Variants in SPOCK1 observed in about 807,000 individuals in gnomAD.
SPOCK1 encodes the protein testican-1.
In SPOCK1, 23 loss-of-function variants were observed where a neutral mutation model predicts 55.3. The ratio of observed to expected loss-of-function variants is 0.42; its 90% CI spans 0.30 to 0.59. SPOCK1 has a LOEUF of 0.59. SPOCK1 is among the 20% of genes least tolerant of loss of function. The pLI, the probability that SPOCK1 is intolerant of heterozygous loss-of-function variation, is 0.22. For missense variants in SPOCK1, 499 were observed against 552.5 expected, an observed-to-expected ratio of 0.90 and a Z score of 0.97; for synonymous variants, 226 against 221.0, an observed-to-expected ratio of 1.02 and a Z score of -0.20.
At chr5:137,150,497 G>A (rs1269492100) in intron 3 of SPOCK1, among the ~76,000 whole-genome samples, 2 of 152,268 alleles carry the variant, frequency 1.3e-5, no homozygotes, top group Admixed American at 1.3e-4. Context: ...GAGTCACAGA[G>A]CTTAATTGTT....
intron 5 of SPOCK1, among the ~76,000 whole-genome samples, chr5:137,110,606 G>A (rs544294846): frequency 2.6e-5 from 4 of 152,260 alleles, no homozygotes; most frequent in African/African-American, 9.6e-5. Flanking sequence ...TCTATTAGGG[G>A]CTAAAAAGAG....
intron 6 of SPOCK1, among the ~76,000 whole-genome samples, chr5:137,001,287 AC>A (rs1751144034): frequency 6.6e-6 from 1 of 152,204 alleles, no homozygotes; most frequent in Admixed American, 6.5e-5. Flanking sequence ...GTTTGTGGAC[AC>A]AGAGCAGCAT....
intron 2 of SPOCK1, among the ~76,000 whole-genome samples, chr5:137,422,350 A>T (rs998189492): frequency 2.0e-5 from 3 of 152,200 alleles, no homozygotes; most frequent in African/African-American, 7.2e-5. Flanking sequence ...AGATTGGGGA[A>T]GTTCTCCTGG....
At chr5:137,172,636 T>C (rs976455683) in intron 3 of SPOCK1, among the ~76,000 whole-genome samples, 5 of 152,072 alleles carry the variant, frequency 3.3e-5, no homozygotes, top group Non-Finnish European at 7.4e-5. Context: ...ATCCTAGAGA[T>C]ATATTTGCTG....
intron 2 of SPOCK1, among the ~76,000 whole-genome samples, chr5:137,307,443 C>T (rs1013935202): frequency 3.3e-5 from 5 of 152,248 alleles, no homozygotes; most frequent in African/African-American, 1.2e-4. Context: ...TGTTCTGCCA[C>T]ACCATCATGA....
rs1270520094 is a variant in SPOCK1, at chr5:137,425,119, T to C, written c.186+73254A>G. ...TATAAATATTTCAGGCTGTCCCTTG[T>C]TTCTATTGACTACTTCTAAAGTGCT... On this transcript the variant is annotated intron_variant, in intron 2 of 10. Coordinates refer to ENST00000394945, the MANE Select transcript of SPOCK1 (RefSeq NM_004598.4). Among the ~76,000 whole-genome samples the C allele has an allele frequency of 2.0e-5, 3 of 152,216 alleles. No homozygotes were observed. In the South Asian group the frequency reaches 6.2e-4, roughly 32 times the overall value.
intron 2 of SPOCK1, among the ~76,000 whole-genome samples, chr5:137,371,750 C>T (rs17171375): frequency 0.066 from 10,066 of 152,170 alleles, 630 homozygotes; most frequent in African/African-American, 0.16. Context: ...ATGATGATGA[C>T]GATAATGTCA....
intron 4 of SPOCK1, among the ~76,000 whole-genome samples, chr5:137,118,298 C>A (rs1444543175): frequency 6.6e-6 from 1 of 152,198 alleles, no homozygotes; most frequent in East Asian, 1.9e-4. Flanking sequence ...ACTATAAGCA[C>A]AATCTTTTAA....
At chr5:136,979,235 A>G in intron 10 of SPOCK1, 97 bp downstream of exon 10, 1 of 1,524,448 alleles carries the variant, frequency 6.6e-7, no homozygotes, top group Admixed American at 1.8e-5. Flanking sequence ...TGTATACTGG[A>G]GTTACCTCTC....
At chr5:137,415,786 C>T (rs147000641) in intron 2 of SPOCK1, among the ~76,000 whole-genome samples, 100 of 152,332 alleles carry the variant, frequency 6.6e-4, no homozygotes, top group Middle Eastern at 3.4e-3. Context: ...TCTATATCCA[C>T]TTACTTACCT....
intron 7 of SPOCK1, among the ~76,000 whole-genome samples, chr5:136,991,427 C>T (rs989438254): frequency 3.3e-5 from 5 of 151,946 alleles, no homozygotes; most frequent in South Asian, 2.1e-4. Context: ...TATGAGCAGC[C>T]AAAAATAACT....
intron 4 of SPOCK1, among the ~76,000 whole-genome samples, chr5:137,130,455 C>G (rs1169664505): frequency 6.6e-6 from 1 of 152,234 alleles, no homozygotes; most frequent in East Asian, 1.9e-4. Flanking sequence ...AACCCACAAT[C>G]ACCAAAGCAT....
chr5:137,361,098 A>G (rs1383554650), intron 2 of SPOCK1, among the ~76,000 whole-genome samples: 2 of 152,242 alleles, frequency 1.3e-5, no homozygotes, highest in Non-Finnish European at 2.9e-5. Context: ...AAGAGACCCC[A>G]GAGTCTCCTC....
rs191223744 is a variant in SPOCK1, at chr5:137,403,517, T to C, written c.186+94856A>G. On this transcript the variant is annotated intron_variant, in intron 2 of 10. Coordinates refer to ENST00000394945, the MANE Select transcript of SPOCK1 (RefSeq NM_004598.4). ...GAGACATGATAAAGAAAGCATCTAATGTGTTATTAGGGAATAAATGCTATG... is the reference window on the plus strand; with the variant it reads ...GAGACATGATAAAGAAAGCATCTAACGTGTTATTAGGGAATAAATGCTATG... Among the ~76,000 whole-genome samples, 501 of 152,204 alleles carry C rather than the reference T, an allele frequency of 3.3e-3. 3 individuals are homozygous for C. The highest frequency in any genetic ancestry group is 0.012 in the African/African-American group (481 of 41,532).
At chr5:137,179,693 C>T (rs927101968) in intron 3 of SPOCK1, among the ~76,000 whole-genome samples, 2 of 152,114 alleles carry the variant, frequency 1.3e-5, no homozygotes, top group African/African-American at 4.8e-5. Flanking sequence ...GTTGGGTAGC[C>T]AAGAGTATGA....
chr5:137,479,492 C>T (rs777340566), intron 2 of SPOCK1, among the ~76,000 whole-genome samples: 15 of 152,212 alleles, frequency 9.9e-5, no homozygotes, highest in African/African-American at 1.4e-4. Flanking sequence ...GACTTCTCCA[C>T]CTCCTAGGCA....
chr5:137,304,154 GA>G (rs1184978415), intron 2 of SPOCK1, among the ~76,000 whole-genome samples: 2 of 151,900 alleles, frequency 1.3e-5, no homozygotes, highest in Non-Finnish European at 2.9e-5. Flanking sequence ...AAAGAAGGGG[GA>G]AAAAATCCAC....
intron 3 of SPOCK1, among the ~76,000 whole-genome samples, chr5:137,192,257 A>G (rs1051290379): frequency 3.4e-5 from 5 of 145,356 alleles, no homozygotes; most frequent in African/African-American, 1.0e-4. Context: ...AAAAAAAAAG[A>G]AAAGGAAAAC....
At chr5:137,008,701 T>C (rs1417398250) in intron 6 of SPOCK1, among the ~76,000 whole-genome samples, 1 of 152,092 alleles carries the variant, frequency 6.6e-6, no homozygotes, top group Non-Finnish European at 1.5e-5. Context: ...AGGAAGAAGA[T>C]GCAAAGTACA....
Sources: allele counts gnomAD v4.1 joint callset (sites outside exome capture counted in the v4.1 genomes callset), GRCh38; gene constraint gnomAD v4.1.1; transcripts MANE v1.5; gene names NCBI Gene and HGNC (gene_info 2026-07-23, HGNC 2026-07-21).